ANKRD6: variants seen among roughly 807,000 people sequenced by gnomAD.
ANKRD6 encodes the protein ankyrin repeat domain 6, also known as ankyrin repeat domain-containing protein 6.
A neutral mutation model predicts 82.3 loss-of-function variants in ANKRD6; 56 were observed. The ratio of observed to expected loss-of-function variants is 0.68; its 90% confidence interval spans 0.55 to 0.85. The LOEUF is 0.85. ANKRD6 is among the 40% of genes least tolerant of loss of function. ANKRD6 has a pLI of 0.00. For missense variants in ANKRD6, 852 were observed against 907.6 expected, an observed-to-expected ratio of 0.94 and a Z score of 0.79; for synonymous variants, 347 against 352.1, an observed-to-expected ratio of 0.99 and a Z score of 0.16.
chr6:89,595,121 C>T (rs536290942), intron 2 of ANKRD6, among the ~76,000 whole-genome samples: 9 of 152,110 alleles, frequency 5.9e-5, no homozygotes, highest in African/African-American at 1.7e-4. Flanking sequence ...CCTAGCACTT[C>T]GGGAGGCCAA....
At chr6:89,503,159 A>G (rs1051716532) in intron 1 of ANKRD6, among the ~76,000 whole-genome samples, 11 of 152,196 alleles carry the variant, frequency 7.2e-5, no homozygotes, top group Admixed American at 3.3e-4. Flanking sequence ...TCAGGCTGTG[A>G]TGAGCTTTTT....
chr6:89,590,028 C>T (rs1183134589), intron 2 of ANKRD6, among the ~76,000 whole-genome samples: 1 of 152,160 alleles, frequency 6.6e-6, no homozygotes, highest in Non-Finnish European at 1.5e-5. Flanking sequence ...TAACCTCCAG[C>T]CACACGTGGA....
chr6:89,618,170 A>C, intron 9 of ANKRD6, 139 bp downstream of exon 9: 1 of 927,990 alleles, frequency 1.1e-6, no homozygotes, highest in Non-Finnish European at 1.8e-6. Flanking sequence ...ATAGGCATGC[A>C]TGGGGGCCCA....
chr6:89,526,134 G>A (rs531283271), intron 1 of ANKRD6, among the ~76,000 whole-genome samples: 16 of 152,316 alleles, frequency 1.1e-4, no homozygotes, highest in Non-Finnish European at 1.6e-4. Context: ...GTCGATAAAG[G>A]GACATCTATT....
At chr6:89,466,120 C>T (rs1305390887) in intron 1 of ANKRD6, among the ~76,000 whole-genome samples, 1 of 152,066 alleles carries the variant, frequency 6.6e-6, no homozygotes, top group African/African-American at 2.4e-5. Context: ...ATAACTTTGT[C>T]CCCTAATAAT....
chr6:89,575,623 A>G (rs1790943529), intron 2 of ANKRD6, among the ~76,000 whole-genome samples: 1 of 152,196 alleles, frequency 6.6e-6, no homozygotes, highest in Non-Finnish European at 1.5e-5. Context: ...GCGATTTCCC[A>G]ATAATGGGAT....
intron 1 of ANKRD6, among the ~76,000 whole-genome samples, chr6:89,462,269 T>TAATAATAAA (rs899537110): frequency 1.3e-4 from 19 of 147,928 alleles, no homozygotes; most frequent in African/African-American, 3.9e-4. Flanking sequence ...ATAATAATAA[T>TAATAATAAA]AAATACATAA....
At chr6:89,481,447 C>T (rs1002529295) in intron 1 of ANKRD6, among the ~76,000 whole-genome samples, 1 of 151,966 alleles carries the variant, frequency 6.6e-6, no homozygotes, top group Non-Finnish European at 1.5e-5. Context: ...ACAAATATTC[C>T]CCAACCCCCC....
intron 1 of ANKRD6, among the ~76,000 whole-genome samples, chr6:89,499,946 G>T (rs1305589523): frequency 6.6e-6 from 1 of 152,126 alleles, no homozygotes; most frequent in East Asian, 1.9e-4. Context: ...AGCATGAAAT[G>T]CCCACTGAAA....
intron 1 of ANKRD6, among the ~76,000 whole-genome samples, chr6:89,562,221 C>T (rs894293503): frequency 6.6e-6 from 1 of 152,180 alleles, no homozygotes; most frequent in Non-Finnish European, 1.5e-5. Context: ...TTACTCCCTT[C>T]CCCCTCCCCG....
At chr6:89,462,016 G>C (rs1774211426) in intron 1 of ANKRD6, among the ~76,000 whole-genome samples, 1 of 152,222 alleles carries the variant, frequency 6.6e-6, no homozygotes, top group Admixed American at 6.5e-5. Flanking sequence ...CGGATCACCT[G>C]AGTTCAGGGG....
intron 2 of ANKRD6, among the ~76,000 whole-genome samples, chr6:89,575,906 G>A (rs1232172332): frequency 6.6e-6 from 1 of 152,198 alleles, no homozygotes; most frequent in Non-Finnish European, 1.5e-5. Context: ...ACTAAGTAAG[G>A]ATGGGGTTGT....
At chr6:89,448,400 C>T (rs1277885686) in intron 1 of ANKRD6, among the ~76,000 whole-genome samples, 1 of 148,484 alleles carries the variant, frequency 6.7e-6, no homozygotes, top group African/African-American at 2.5e-5. Context: ...TGCCACTGCA[C>T]TACAGCCTGG....
chr6:89,465,511 T>A (rs963440942), intron 1 of ANKRD6, among the ~76,000 whole-genome samples: 3 of 152,110 alleles, frequency 2.0e-5, no homozygotes, highest in Non-Finnish European at 2.9e-5. Flanking sequence ...CTGGGCTCCA[T>A]GACTGCATGA....
Position 89,631,728 on chromosome 6 carries a change from TTATA to T in ANKRD6, c.*727_*730del, listed in dbSNP as rs1418312378. 2.6e-5 allele frequency: 4 copies of T among 152,106 alleles called. No homozygotes were observed. The East Asian group carries it at 7.7e-4, about 29-fold the overall frequency. The allele number at this position is 152,106 out of a possible 1,614,324, so 9.4% of individuals were successfully genotyped here. A position where few individuals can be genotyped will look rare whatever the true frequency, so the allele number is the denominator to read the frequency against. ...TCTGTATTTTCAGTCAAAAAATCAG[TTATA>T]TAGTGATTTTAAAGCAGATTAATGG... On this transcript the variant is annotated 3_prime_UTR_variant, in exon 16 of 16. Coordinates refer to ENST00000339746, the MANE Select transcript of ANKRD6 (RefSeq NM_001242809.2).
intron 1 of ANKRD6, among the ~76,000 whole-genome samples, chr6:89,501,640 G>A (rs1779274092): frequency 6.6e-6 from 1 of 152,232 alleles, no homozygotes; most frequent in Admixed American, 6.5e-5. Context: ...CAGTATTTTT[G>A]CATTAAAGAA....
At chr6:89,458,259 G>A (rs1773713131) in intron 1 of ANKRD6, among the ~76,000 whole-genome samples, 1 of 152,138 alleles carries the variant, frequency 6.6e-6, no homozygotes, top group South Asian at 2.1e-4. Flanking sequence ...AATGATTTTG[G>A]GCTATAACTG....
At chr6:89,547,450 A>G (rs1785244629) in intron 1 of ANKRD6, among the ~76,000 whole-genome samples, 2 of 152,170 alleles carry the variant, frequency 1.3e-5, no homozygotes, top group African/African-American at 4.8e-5. Flanking sequence ...GAAAGCCATC[A>G]GGTGTGGTGT....
At chr6:89,528,323 G>A (rs1051783061) in intron 1 of ANKRD6, among the ~76,000 whole-genome samples, 2 of 152,188 alleles carry the variant, frequency 1.3e-5, no homozygotes, top group Non-Finnish European at 2.9e-5. Context: ...CATTTCAACA[G>A]TGTTCACAGC....
Sources: gnomAD v4.1 joint callset for allele counts (sites outside exome capture counted in the v4.1 genomes callset) on GRCh38, gnomAD v4.1.1 for gene constraint, MANE v1.5 for transcripts, NCBI Gene and HGNC (gene_info 2026-07-23, HGNC 2026-07-21) for gene names.